EYA1: variants seen among roughly 807,000 people sequenced by gnomAD.
EYA1 encodes the protein protein phosphatase EYA1.
A neutral mutation model predicts 82.0 loss-of-function variants in EYA1; 16 were observed. The ratio of observed to expected loss-of-function variants is 0.20; its 90% CI spans 0.13 to 0.30. EYA1 has a LOEUF of 0.30. EYA1 is among the 10% of genes least tolerant of loss of function. The probability of loss-of-function intolerance (pLI) is 1.00; values close to 1 mark genes in which losing one functional copy is unlikely to be tolerated. For missense variants in EYA1, 633 were observed against 730.7 expected (o/e 0.87, Z 1.54); for synonymous variants, 261 against 264.4 (o/e 0.99, Z 0.12).
chr8:71,351,687 T>C (rs1826321529), intron 3 of EYA1, among the ~76,000 whole-genome samples: 1 of 152,210 alleles, frequency 6.6e-6, no homozygotes, highest in African/African-American at 2.4e-5. Context: ...AGCCTGTGAG[T>C]ACAGAACCTA....
chr8:71,378,539 T>C (rs16937612), intron 2 of EYA1, among the ~76,000 whole-genome samples: 3,331 of 152,258 alleles, frequency 0.022, 128 homozygotes, highest in African/African-American at 0.077. Flanking sequence ...TCTGATCAGA[T>C]TGTGATAACC....
chr8:71,369,272 A>G (rs1172875260), intron 2 of EYA1, among the ~76,000 whole-genome samples: 2 of 150,928 alleles, frequency 1.3e-5, no homozygotes, highest in Admixed American at 6.6e-5. Context: ...TCATTTTTGT[A>G]TATTCTTGGA....
In EYA1 at chr8:71,398,869, G is replaced by C. The variant is rs151142090; in HGVS notation, c.34-42358C>G. ...TCTGCAGAGGTTTCTGCTGCCTTTT[G>C]TTCAGCTATGCCCTGCCCCAAGAGG... On this transcript the variant is annotated intron_variant, in intron 2 of 18. Transcript: ENST00000643681. Among the ~76,000 whole-genome samples, 549 of 152,348 alleles carry C rather than the reference G, an allele frequency of 3.6e-3. 4 individuals are homozygous for C. Among genetic ancestry groups the C allele is most frequent in the African/African-American group, 0.012 (516 of 41,572 alleles).
At chr8:71,434,974 A>T (rs1405709670) in intron 2 of EYA1, among the ~76,000 whole-genome samples, 2 of 152,168 alleles carry the variant, frequency 1.3e-5, no homozygotes, top group Non-Finnish European at 2.9e-5. Context: ...ATGTACACAC[A>T]CACACACATA....
chr8:71,270,857 G>A (rs1459051769), intron 10 of EYA1, among the ~76,000 whole-genome samples: 4 of 152,032 alleles, frequency 2.6e-5, no homozygotes, highest in South Asian at 2.1e-4. Context: ...GTGGTGGCTC[G>A]TGCCTGTAAT....
chr8:71,449,655 T>G (rs1807195264), intron 2 of EYA1, among the ~76,000 whole-genome samples: 1 of 152,200 alleles, frequency 6.6e-6, no homozygotes, highest in African/African-American at 2.4e-5. Context: ...AACAATGGAT[T>G]CAACTTAAAC....
intron 11 of EYA1, among the ~76,000 whole-genome samples, chr8:71,262,408 C>T (rs1470633527): frequency 1.3e-5 from 2 of 152,170 alleles, no homozygotes; most frequent in Non-Finnish European, 2.9e-5. Context: ...TGCATGGTTT[C>T]CTGCTTCCTC....
intron 2 of EYA1, among the ~76,000 whole-genome samples, chr8:71,528,509 G>T (rs1813988759): frequency 6.6e-6 from 1 of 152,080 alleles, no homozygotes; most frequent in African/African-American, 2.4e-5. Context: ...ATTCTATCCT[G>T]GGCTCCTTTA....
rs549782012 is a variant in EYA1, at chr8:71,455,811, G to A, written c.33+79933C>T. Among the ~76,000 whole-genome samples the A allele has an allele frequency of 5.3e-5, 8 of 152,264 alleles. No individual in the cohort carries two copies. In the East Asian group the frequency reaches 1.4e-3, roughly 26 times the overall value. ...CCATAGCTGATGTCATACTGAATGG[G>A]CAAAAACTGGAAGCATTCCCTTTGA... On this transcript the variant is annotated intron_variant, in intron 2 of 18. Coordinates refer to the EYA1 transcript ENST00000643681.
chr8:71,204,828 A>G (rs1252122438), intron 17 of EYA1, among the ~76,000 whole-genome samples: 1 of 152,202 alleles, frequency 6.6e-6, no homozygotes, highest in Admixed American at 6.5e-5. Flanking sequence ...TTATTGTGCA[A>G]CGTTGCTCTT....
chr8:71,345,410 A>G lies in EYA1; in HGVS notation c.124+9372T>C, dbSNP rs1035451332. Among the ~76,000 whole-genome samples, 43 of 152,226 alleles carry G rather than the reference A, an allele frequency of 2.8e-4. 1 individual carries two copies. The highest frequency in any genetic ancestry group is 1.0e-4 in the Non-Finnish European group (7 of 68,040). ...ATTTTACAGACCAGGAAGCAGAGGCATAGAGCAGTTAAGTAAGTATTCATC... is the reference window on the plus strand; with the variant it reads ...ATTTTACAGACCAGGAAGCAGAGGCGTAGAGCAGTTAAGTAAGTATTCATC... On this transcript the variant is annotated intron_variant, in intron 3 of 17. Transcript: ENST00000340726.
Position 71,330,212 on chromosome 8 carries a change from A to G in EYA1, c.202+3885T>C, listed in dbSNP as rs1467728214. Reference sequence around the variant, plus strand: ...TGGAGGGTCTGAACTGAAGAATCGGATAGGAACTCCCTCAACATACTGCCA... The same window carrying G: ...TGGAGGGTCTGAACTGAAGAATCGGGTAGGAACTCCCTCAACATACTGCCA... On this transcript the variant is annotated intron_variant, in intron 4 of 17. Transcript: ENST00000340726. 1.9e-4 allele frequency among the ~76,000 whole-genome samples: 29 copies of G among 152,170 alleles called. 1 individual carries two copies. Among genetic ancestry groups the G allele is most frequent in the Admixed American group, 1.9e-3 (29 of 15,284 alleles).
chr8:71,229,470 T>G (rs1440537575), intron 12 of EYA1, among the ~76,000 whole-genome samples: 2 of 152,204 alleles, frequency 1.3e-5, no homozygotes, highest in African/African-American at 4.8e-5. Flanking sequence ...AAGACCATCT[T>G]TCACGTGTCT....
At chr8:71,273,748 A>C (rs966489805) in intron 9 of EYA1, among the ~76,000 whole-genome samples, 3 of 152,204 alleles carry the variant, frequency 2.0e-5, no homozygotes, top group Admixed American at 2.0e-4. Flanking sequence ...CCTGCACTTC[A>C]AGTACTTTAC....
At position 71,523,173 on chromosome 8, in the gene EYA1, C is replaced by CTTTTTTTTTTTTTTTT. The variant is rs201950125; in HGVS notation, c.33+12570_33+12571insAAAAAAAAAAAAAAAA. Among the ~76,000 whole-genome samples, 43 of 110,818 alleles carry CTTTTTTTTTTTTTTTT rather than the reference C, an allele frequency of 3.9e-4. 4 individuals carry two copies. The highest frequency in any genetic ancestry group is 2.4e-3 in the East Asian group (7 of 2,904). 72.7% of individuals were successfully genotyped at this position (110,818 alleles called of 152,430 possible). ...TTCAGCTCTTTTTCTTTTCTTTTTT[C>CTTTTTTTTTTTTTTTT]TTTTTCTTTTTTTTTTTTTTTTTGA... On this transcript the variant is annotated intron_variant, in intron 2 of 18. Transcript: ENST00000643681.
At chr8:71,490,930 A>G (rs1181764037) in intron 2 of EYA1, among the ~76,000 whole-genome samples, 2 of 152,198 alleles carry the variant, frequency 1.3e-5, no homozygotes, top group African/African-American at 2.4e-5. Flanking sequence ...GGCTACTTCA[A>G]TTGGATACAC....
intron 2 of EYA1, among the ~76,000 whole-genome samples, chr8:71,458,527 C>T (rs942552906): frequency 6.6e-6 from 1 of 151,614 alleles, no homozygotes; most frequent in African/African-American, 2.4e-5. Context: ...AAAATACTAC[C>T]GAAAAGCCTA....
Position 71,523,173 on chromosome 8 carries a change from C to CTTTTTTTTTTTTTTT in EYA1, c.33+12570_33+12571insAAAAAAAAAAAAAAA, listed in dbSNP as rs201950125. Among the ~76,000 whole-genome samples the CTTTTTTTTTTTTTTT allele has an allele frequency of 3.2e-4, 36 of 110,820 alleles. 4 individuals carry two copies. Among genetic ancestry groups the CTTTTTTTTTTTTTTT allele is most frequent in the African/African-American group, 1.1e-3 (30 of 26,852 alleles). The allele number at this position is 110,820 out of a possible 152,430, so 72.7% of individuals were successfully genotyped here. On this transcript the variant is annotated intron_variant, in intron 2 of 18. Coordinates refer to the EYA1 transcript ENST00000643681. ...TTCAGCTCTTTTTCTTTTCTTTTTT[C>CTTTTTTTTTTTTTTT]TTTTTCTTTTTTTTTTTTTTTTTGA... is the stretch of plus-strand genomic sequence containing the variant.
At chr8:71,406,510 G>A (rs1193588712) in intron 2 of EYA1, among the ~76,000 whole-genome samples, 1 of 152,164 alleles carries the variant, frequency 6.6e-6, no homozygotes, top group Non-Finnish European at 1.5e-5. Context: ...CAGGCCAGTG[G>A]GTGTGTGCAC....
Sources: allele counts gnomAD v4.1 joint callset (sites outside exome capture counted in the v4.1 genomes callset), GRCh38; gene constraint gnomAD v4.1.1; transcripts MANE v1.5; gene names NCBI Gene and HGNC (gene_info 2026-07-23, HGNC 2026-07-21).